The following ELL variants were observed in gnomAD, a reference collection of about 807,000 sequenced individuals.
ELL encodes elongation factor for RNA polymerase II, also known as RNA polymerase II elongation factor ELL.
In ELL, 18 loss-of-function variants were observed where a neutral mutation model predicts 64.0. That is an observed-to-expected ratio of 0.28 (90% CI 0.19 to 0.42). The LOEUF is 0.42. ELL is among the 10% of genes least tolerant of loss of function. The probability of loss-of-function intolerance (pLI) is 1.00; values close to 1 mark genes in which losing one functional copy is unlikely to be tolerated. For missense variants in ELL, 797 were observed against 870.4 expected (o/e 0.92, Z 1.06); for synonymous variants, 399 against 376.2 (o/e 1.06, Z -0.70).
At chr19:18,465,295 T>A (rs1974909987) in intron 4 of ELL, 117 bp downstream of exon 4, 1 of 1,390,366 alleles carries the variant, frequency 7.2e-7, no homozygotes, top group African/African-American at 1.5e-5. Flanking sequence ...GACTCCTCGG[T>A]TGACCCATCA....
intron 1 of ELL, among the ~76,000 whole-genome samples, chr19:18,486,908 C>T (rs1975430591): frequency 6.6e-6 from 1 of 152,182 alleles, no homozygotes; most frequent in African/African-American, 2.4e-5. Flanking sequence ...ACCTTGCCAG[C>T]CACAAAGGTT....
At position 18,501,306 on chromosome 19, in the gene ELL, G is replaced by A. The variant is rs889099104; in HGVS notation, c.135+20615C>T. 4.6e-5 allele frequency among the ~76,000 whole-genome samples: 7 copies of A among 152,122 alleles called. No individual in the cohort carries two copies. The highest frequency in any genetic ancestry group is 2.6e-4 in the Admixed American group (4 of 15,272). Reference sequence around the variant, plus strand: ...ACATGAGAAGCCACCAAGCAGACCCGGATGAGAGCAATACTGTGTGTGCCC... The same window carrying A: ...ACATGAGAAGCCACCAAGCAGACCCAGATGAGAGCAATACTGTGTGTGCCC... On this transcript the variant is annotated intron_variant, in intron 1 of 11. Coordinates refer to ENST00000262809, the MANE Select transcript of ELL (RefSeq NM_006532.4). This position sits in a 1 kb window ranked among gnomAD's most constrained non-coding sequence, Gnocchi z 4.5.
chr19:18,463,100 G>T (rs538414288), intron 4 of ELL, among the ~76,000 whole-genome samples: 3 of 152,156 alleles, frequency 2.0e-5, no homozygotes, highest in Non-Finnish European at 2.9e-5. Context: ...AAAGCTCTTC[G>T]TAACAACATC....
At position 18,467,631 on chromosome 19, in the gene ELL, CCACACACACACACACACACA is replaced by C. The variant is rs56351300; in HGVS notation, c.184-1733_184-1714del. 2.0e-3 allele frequency among the ~76,000 whole-genome samples: 131 copies of C among 67,006 alleles called. 2 individuals carry two copies. Among genetic ancestry groups the C allele is most frequent in the African/African-American group, 6.9e-3 (111 of 16,086 alleles). The allele number at this position is 67,006 out of a possible 152,430, so 44.0% of individuals were successfully genotyped here. On this transcript the variant is annotated intron_variant, in intron 2 of 11. Transcript: ENST00000262809. ...CTCCCCACCCGCCCCCACCACACAA[CCACACACACACACACACACA>C]CACACACACACACACACACACAAAC...
chr19:18,458,480 G>T, intron 5 of ELL, 151 bp from the exon 6 acceptor site: 10 of 1,205,984 alleles, frequency 8.3e-6, no homozygotes, highest in Admixed American at 2.6e-5. Context: ...GCCCACTACC[G>T]ATCCGTGATG....
At chr19:18,458,122 A>G in intron 6 of ELL, 83 bp downstream of exon 6, 1 of 1,571,782 alleles carries the variant, frequency 6.4e-7, no homozygotes, top group Non-Finnish European at 8.6e-7. Flanking sequence ...AGGACCACAC[A>G]AGACCACCCC....
At chr19:18,464,273 G>A (rs549358638) in intron 4 of ELL, among the ~76,000 whole-genome samples, 48 of 152,232 alleles carry the variant, frequency 3.2e-4, no homozygotes, top group Admixed American at 2.7e-3. Flanking sequence ...GGAGGCTGAG[G>A]TAGGATCACT....
At chr19:18,487,043 G>A (rs1216920122) in intron 1 of ELL, among the ~76,000 whole-genome samples, 1 of 152,192 alleles carries the variant, frequency 6.6e-6, no homozygotes, top group Non-Finnish European at 1.5e-5. Flanking sequence ...CCACCACCAC[G>A]CAGTGGGTAA....
rs756110558 is a variant in ELL, at chr19:18,450,590, T to C, written c.1352A>G (p.Lys451Arg). 1.9e-6 allele frequency: 3 copies of C among 1,612,448 alleles called. No individual in the cohort carries two copies. Among genetic ancestry groups the C allele is most frequent in the African/African-American group, 2.7e-5 (2 of 74,842 alleles). ...GSPSRSKPKK[K>R]SKKHKDKERA... is the part of the protein sequence containing the mutation. Reference sequence around the variant, plus strand: ...CTCCTTGTCTTTGTGCTTCTTGGACTTCTTCTTGGGCTTGCTGCGCGAGGG... The same window carrying C: ...CTCCTTGTCTTTGTGCTTCTTGGACCTCTTCTTGGGCTTGCTGCGCGAGGG... Residue 451 changes from lysine (K) to arginine (R), a missense_variant, in exon 8 of 12, where the codon AAG becomes AGG. Lys to Arg is a conservative substitution (Grantham distance 26). Coordinates refer to ENST00000262809, the MANE Select transcript of ELL (RefSeq NM_006532.4).
In ELL at chr19:18,463,325, CTTTTTTTTTTTTT is replaced by C. The variant is rs34610795; in HGVS notation, c.470-1486_470-1474del. 2.3e-4 allele frequency among the ~76,000 whole-genome samples: 17 copies of C among 73,272 alleles called. 1 individual carries two copies. The South Asian group carries it at 7.7e-3, about 33-fold the overall frequency. 48.1% of individuals were successfully genotyped at this position (73,272 alleles called of 152,430 possible). A position where few individuals can be genotyped will look rare whatever the true frequency, so the allele number is the denominator to read the frequency against. On this transcript the variant is annotated intron_variant, in intron 4 of 11. Coordinates refer to ENST00000262809, the MANE Select transcript of ELL (RefSeq NM_006532.4). ...GACAGAGGAACACGCACATTCACAT[CTTTTTTTTTTTTT>C]TTTTTTTTTTTTTTGAGACAGAGTC...
At chr19:18,483,188 C>T (rs1282301795) in intron 1 of ELL, among the ~76,000 whole-genome samples, 1 of 152,182 alleles carries the variant, frequency 6.6e-6, no homozygotes, top group African/African-American at 2.4e-5. Flanking sequence ...CTGCCTACAC[C>T]CGTGGCTGCC....
At chr19:18,510,385 G>C (rs1035648235) in intron 1 of ELL, among the ~76,000 whole-genome samples, 1 of 152,152 alleles carries the variant, frequency 6.6e-6, no homozygotes. Context: ...AACAAAAAGA[G>C]AAACCTGCAT....
rs1568374949 is a variant in ELL, at chr19:18,449,020, G to C, written c.1465+1457C>G. ...ACCACCAGCACCAGGCTCAGCTTCT[G>C]GTGCCTCCACTGTCCTTTTCTTGGT... On this transcript the variant is annotated intron_variant, in intron 8 of 11. Transcript: ENST00000262809. This position sits in a 1 kb window ranked among gnomAD's most constrained non-coding sequence, Gnocchi z 4.4. Among the ~76,000 whole-genome samples the C allele has an allele frequency of 6.6e-6, 1 of 152,196 alleles. No individual in the cohort carries two copies. Among genetic ancestry groups the C allele is most frequent in the Non-Finnish European group, 1.5e-5 (1 of 68,026 alleles).
chr19:18,495,595 G>A (rs772812848), intron 1 of ELL, among the ~76,000 whole-genome samples: 32 of 152,346 alleles, frequency 2.1e-4, no homozygotes, highest in East Asian at 1.2e-3. Flanking sequence ...GAGGAGGGCC[G>A]AGAGCCTGCG....
intron 2 of ELL, among the ~76,000 whole-genome samples, chr19:18,469,273 C>T (rs1482603817): frequency 2.0e-5 from 3 of 152,204 alleles, no homozygotes; most frequent in South Asian, 4.1e-4. Context: ...GAGGTTCTCA[C>T]AGGCCCTGCC....
chr19:18,450,409 A>G, intron 8 of ELL, 68 bp downstream of exon 8: 2 of 1,570,786 alleles, frequency 1.3e-6, no homozygotes, highest in Non-Finnish European at 1.7e-6. Flanking sequence ...TCGACACCCC[A>G]TGAGGGTGAG....
Position 18,446,296 on chromosome 19 carries a change from G to A in ELL, c.1704+13C>T, listed in dbSNP as rs777057101. 22 of 1,558,674 alleles carry A rather than the reference G, an allele frequency of 1.4e-5. No individual in the cohort carries two copies. In the South Asian group the frequency reaches 1.6e-4, roughly 12 times the overall value. Reference sequence around the variant, plus strand: ...CCAGAGCCAGGGCACAGTAGGCAGCGGGGGGGCTCTACCTCATACTCCTCG... The same window carrying A: ...CCAGAGCCAGGGCACAGTAGGCAGCAGGGGGGCTCTACCTCATACTCCTCG... On this transcript the variant is annotated intron_variant, in intron 10 of 11. Transcript: ENST00000262809.
At chr19:18,479,692 G>GA (rs972432674) in intron 1 of ELL, among the ~76,000 whole-genome samples, 4 of 134,194 alleles carry the variant, frequency 3.0e-5, no homozygotes, top group Non-Finnish European at 6.1e-5. Context: ...CTGCACGACA[G>GA]AGTGAGACTC....
rs1472763986 is a variant in ELL, at chr19:18,443,254, T to C, written c.*1498A>G. The stretch of plus-strand genomic sequence containing the variant: ...CAGCTATTGAAACATGAAGGATCAG[T>C]TTCCTCGGAGCTCTGGGAACCCGGG... On this transcript the variant is annotated 3_prime_UTR_variant, in exon 12 of 12. Transcript: ENST00000262809. 8.7e-6 allele frequency: 2 copies of C among 231,126 alleles called. No homozygotes were observed. Among genetic ancestry groups the C allele is most frequent in the Non-Finnish European group, 1.7e-5 (2 of 116,646 alleles). 14.3% of individuals were successfully genotyped at this position (231,126 alleles called of 1,614,324 possible). A position where few individuals can be genotyped will look rare whatever the true frequency, so the allele number is the denominator to read the frequency against.
Sources: allele counts gnomAD v4.1 joint callset (sites outside exome capture counted in the v4.1 genomes callset), GRCh38; gene constraint gnomAD v4.1.1; non-coding constraint Gnocchi (gnomAD v3.1); transcripts MANE v1.5; gene names NCBI Gene and HGNC (gene_info 2026-07-23, HGNC 2026-07-21).